MCUB: variants seen among roughly 807,000 people sequenced by gnomAD.
MCUB encodes the protein mitochondrial calcium uniporter dominant negative subunit beta, also known as calcium uniporter regulatory subunit MCUb, mitochondrial.
In MCUB, 46 loss-of-function variants were observed where a neutral mutation model predicts 41.4. That is an observed-to-expected ratio of 1.11 (90% CI 0.88 to 1.42). The LOEUF (loss-of-function observed/expected upper bound fraction) is 1.42. Ranked by LOEUF, MCUB falls within the 40% of genes most tolerant of loss-of-function variation. The pLI, the probability that MCUB is intolerant of heterozygous loss-of-function variation, is 0.00. For synonymous variants in MCUB, 148 were observed against 148.2 expected, an observed-to-expected ratio of 1.00 and a Z score of 0.01; for missense variants, 403 against 404.9, an observed-to-expected ratio of 1.00 and a Z score of 0.04.
chr4:109,679,750 G>T (rs1464908374), intron 4 of MCUB, among the ~76,000 whole-genome samples: 1 of 152,176 alleles, frequency 6.6e-6, no homozygotes, highest in Non-Finnish European at 1.5e-5. Context: ...TAGAAAGCTT[G>T]CAATTATGAA....
chr4:109,679,361 G>C (rs1385874576), intron 4 of MCUB, among the ~76,000 whole-genome samples: 1 of 152,236 alleles, frequency 6.6e-6, no homozygotes, highest in Non-Finnish European at 1.5e-5. Context: ...GGGCAACATT[G>C]AGCACTGAGT....
intron 1 of MCUB, among the ~76,000 whole-genome samples, chr4:109,567,361 T>A (rs1341783725): frequency 6.6e-6 from 1 of 152,040 alleles, no homozygotes; most frequent in Non-Finnish European, 1.5e-5. Context: ...TTTCTGACTC[T>A]GCATGGTACT....
chr4:109,622,983 CATGTCTACAGT>C (rs1728285715), intron 1 of MCUB, among the ~76,000 whole-genome samples: 1 of 152,170 alleles, frequency 6.6e-6, no homozygotes, highest in Non-Finnish European at 1.5e-5. Flanking sequence ...TGCATCCTGT[CATGTCTACAGT>C]ATGCTCATCT....
chr4:109,664,215 A>G, intron 3 of MCUB, 75 bp from the exon 4 acceptor site: 1 of 779,674 alleles, frequency 1.3e-6, no homozygotes, highest in Non-Finnish European at 2.3e-6. Flanking sequence ...TGGGTTAGTA[A>G]TTTTCTATGT....
At chr4:109,642,235 T>G (rs1728736082) in intron 1 of MCUB, among the ~76,000 whole-genome samples, 1 of 152,238 alleles carries the variant, frequency 6.6e-6, no homozygotes, top group Middle Eastern at 3.2e-3. Context: ...TTTCAGCTTC[T>G]GTCTTCAATC....
At chr4:109,604,031 T>C (rs1406690441) in intron 1 of MCUB, among the ~76,000 whole-genome samples, 1 of 152,054 alleles carries the variant, frequency 6.6e-6, no homozygotes, top group Non-Finnish European at 1.5e-5. Flanking sequence ...TCCATTTTGT[T>C]CTGTACTAAG....
intron 1 of MCUB, among the ~76,000 whole-genome samples, chr4:109,617,827 AT>A (rs1728164962): frequency 6.6e-6 from 1 of 152,136 alleles, no homozygotes; most frequent in Admixed American, 6.6e-5. Context: ...CAAAAATTTT[AT>A]TTTCTCTTTT....
chr4:109,685,370 A>G lies in MCUB; in HGVS notation c.933+3A>G, dbSNP rs1243668297. 3.4e-6 allele frequency: 4 copies of G among 1,192,250 alleles called. No homozygotes were observed. The African/African-American group carries it at 4.5e-5, about 13-fold the overall frequency. 73.9% of individuals were successfully genotyped at this position (1,192,250 alleles called of 1,614,324 possible). ...AGTTAAAAGAAGACCTTGCTAAGGT[A>G]TACTACAAATACATCTTATAGCTGG... On this transcript the variant is annotated splice_donor_region_variant and intron_variant, in intron 7 of 7. Transcript: ENST00000394650.
At chr4:109,624,845 C>G (rs1004745202) in intron 1 of MCUB, among the ~76,000 whole-genome samples, 1 of 152,046 alleles carries the variant, frequency 6.6e-6, no homozygotes, top group African/African-American at 2.4e-5. Context: ...ACTGTATAGT[C>G]CAAACCTGAT....
intron 1 of MCUB, among the ~76,000 whole-genome samples, chr4:109,609,692 A>G (rs1363012401): frequency 6.6e-6 from 1 of 152,124 alleles, no homozygotes. Context: ...CCCTATGGTC[A>G]CCACCACTGG....
At chr4:109,605,942 A>G (rs1727859522) in intron 1 of MCUB, among the ~76,000 whole-genome samples, 1 of 146,402 alleles carries the variant, frequency 6.8e-6, no homozygotes, top group Non-Finnish European at 1.5e-5. Flanking sequence ...TAGGCAGTAG[A>G]TCACTGGGCC....
Position 109,664,354 on chromosome 4 carries a change from C to A in MCUB, c.411C>A (p.Val137=). Residue 137 remains valine (V), a synonymous_variant, in exon 4 of 8, where the codon GTC becomes GTA. Transcript: ENST00000394650. ...TGCTAATGAATGATTTTAAACTTGT[C>A]ATTAATAAAATAGCATATGATGTGC... ...DILLMNDFKL[V]INKIAYDVQC... is the part of the protein sequence containing the mutation. 1.3e-6 allele frequency: 2 copies of A among 1,555,884 alleles called. No homozygotes were observed. The highest frequency in any genetic ancestry group is 1.1e-5 in the South Asian group (1 of 89,690).
chr4:109,645,067 G>A (rs1353167290), intron 1 of MCUB, among the ~76,000 whole-genome samples: 1 of 151,920 alleles, frequency 6.6e-6, no homozygotes, highest in Non-Finnish European at 1.5e-5. Flanking sequence ...GTCTTCACTG[G>A]GATAGTCCCC....
rs1404149349 is a variant in MCUB at position 109,688,323 on chromosome 4, G to C, written c.*731G>C. Reference sequence around the variant, plus strand: ...CATCTGTTATTCTATTAATGTGATTGTGTGTGAATGGGTCTGATGACTGTT... The same window carrying C: ...CATCTGTTATTCTATTAATGTGATTCTGTGTGAATGGGTCTGATGACTGTT... On this transcript the variant is annotated 3_prime_UTR_variant, in exon 8 of 8. Coordinates refer to ENST00000394650, the MANE Select transcript of MCUB (RefSeq NM_017918.5). 3.3e-5 allele frequency: 5 copies of C among 152,130 alleles called. No homozygotes were observed. Among genetic ancestry groups the C allele is most frequent in the Non-Finnish European group, 5.9e-5 (4 of 68,030 alleles). 9.4% of individuals were successfully genotyped at this position (152,130 alleles called of 1,614,324 possible). A position where few individuals can be genotyped will look rare whatever the true frequency, so the allele number is the denominator to read the frequency against.
chr4:109,642,309 A>G (rs1322508675), intron 1 of MCUB, among the ~76,000 whole-genome samples: 2 of 152,218 alleles, frequency 1.3e-5, no homozygotes, highest in Admixed American at 1.3e-4. Flanking sequence ...GCCCTGAAAC[A>G]GCAAGAATAA....
intron 1 of MCUB, among the ~76,000 whole-genome samples, chr4:109,609,083 G>C (rs1326347700): frequency 6.7e-6 from 1 of 149,922 alleles, no homozygotes; most frequent in Non-Finnish European, 1.5e-5. Context: ...CTCTCTCTCT[G>C]TGCTGAGCTG....
chr4:109,609,077 C>G (rs867804926), intron 1 of MCUB, among the ~76,000 whole-genome samples: 3 of 146,204 alleles, frequency 2.1e-5, no homozygotes, highest in Admixed American at 7.0e-5. Flanking sequence ...CTCTCTCTCT[C>G]TCTCTGTGCT....
intron 1 of MCUB, among the ~76,000 whole-genome samples, chr4:109,650,045 C>CT (rs1366844521): frequency 6.6e-6 from 1 of 152,176 alleles, no homozygotes; most frequent in Non-Finnish European, 1.5e-5. Context: ...TTATTCAAAA[C>CT]TATCATATCC....
intron 1 of MCUB, among the ~76,000 whole-genome samples, chr4:109,615,369 A>G (rs1728103395): frequency 1.3e-5 from 2 of 151,986 alleles, no homozygotes; most frequent in Non-Finnish European, 2.9e-5. Flanking sequence ...CTGGCATTGT[A>G]TAAAATCCTC....
Sources: allele counts gnomAD v4.1 joint callset (sites outside exome capture counted in the v4.1 genomes callset), GRCh38; gene constraint gnomAD v4.1.1; transcripts MANE v1.5; gene names NCBI Gene and HGNC (gene_info 2026-07-23, HGNC 2026-07-21).